Variants in ERC1 observed in about 807,000 individuals in gnomAD.
ERC1 encodes ELKS/RAB6-interacting/CAST family member 1.
In ERC1, 56 loss-of-function variants were observed where a neutral mutation model predicts 132.0. The observed-to-expected ratio is 0.42, with a 90% confidence interval of 0.34 to 0.53. The LOEUF (loss-of-function observed/expected upper bound fraction) is 0.53, where lower values mean the gene tolerates loss of function less well. Among genes scored for constraint, ERC1 ranks in the 20% least tolerant of loss-of-function variants. The probability of loss-of-function intolerance (pLI) is 0.03; values close to 1 mark genes in which losing one functional copy is unlikely to be tolerated. For synonymous variants in ERC1, 478 were observed against 476.1 expected (o/e 1.00, Z -0.05); for missense variants, 1,202 against 1,349.9 (o/e 0.89, Z 1.72).
chr12:1,398,706 T>C (rs1479009441), intron 16 of ERC1, among the ~76,000 whole-genome samples: 1 of 152,144 alleles, frequency 6.6e-6, no homozygotes. Flanking sequence ...AAATTTATTT[T>C]TTCACAGTTC....
intron 14 of ERC1, among the ~76,000 whole-genome samples, chr12:1,285,388 A>G (rs977926424): frequency 2.6e-5 from 4 of 152,230 alleles, no homozygotes; most frequent in African/African-American, 9.6e-5. Context: ...CACAAAGCCC[A>G]AAATTCATTC....
chr12:1,110,133 A>T, intron 4 of ERC1, 59 bp from the exon 5 acceptor site: 1 of 1,382,868 alleles, frequency 7.2e-7, no homozygotes, highest in Non-Finnish European at 9.9e-7. Flanking sequence ...ATATCATGTT[A>T]TTCAGCTTTT....
chr12:1,007,540 C>CTCTCTCTCTCTCTGTGTGTGTGTG lies in ERC1; in HGVS notation c.-157+16219_-157+16220insCTCTCTCTCTCTGTGTGTGTGTGT, dbSNP rs1555194875. Among the ~76,000 whole-genome samples the CTCTCTCTCTCTCTGTGTGTGTGTG allele has an allele frequency of 2.9e-4, 35 of 122,762 alleles. No individual in the cohort carries two copies. The South Asian group carries it at 2.9e-3, about 10-fold the overall frequency. 80.5% of individuals were successfully genotyped at this position (122,762 alleles called of 152,430 possible). A position where few individuals can be genotyped will look rare whatever the true frequency, so the allele number is the denominator to read the frequency against. On this transcript the variant is annotated intron_variant, in intron 1 of 18. Coordinates refer to ENST00000360905, the MANE Select transcript of ERC1 (RefSeq NM_178040.4). ...ATTCTCTCTCTCTCTCTCTCTCTCT[C>CTCTCTCTCTCTCTGTGTGTGTGTG]TGTGTGTGTGTGTGTGTGTGTGTGT...
intron 13 of ERC1, among the ~76,000 whole-genome samples, chr12:1,248,278 A>G (rs984281091): frequency 3.3e-5 from 5 of 152,220 alleles, no homozygotes; most frequent in African/African-American, 4.8e-5. Flanking sequence ...AGCAGTGAAA[A>G]GACATGTTCT....
At chr12:1,255,888 C>T (rs1035917773) in intron 13 of ERC1, among the ~76,000 whole-genome samples, 1 of 151,810 alleles carries the variant, frequency 6.6e-6, no homozygotes. Flanking sequence ...ATCCGCCCAC[C>T]TCAACCTCCC....
intron 1 of ERC1, among the ~76,000 whole-genome samples, chr12:1,021,271 G>T (rs1966319766): frequency 6.6e-6 from 1 of 152,096 alleles, no homozygotes. Flanking sequence ...ACCCTGTTGA[G>T]TGTGCCAGGA....
intron 15 of ERC1, among the ~76,000 whole-genome samples, chr12:1,344,296 T>G (rs1010809156): frequency 6.6e-5 from 10 of 152,302 alleles, no homozygotes; most frequent in African/African-American, 2.4e-4. Context: ...GGCGGTGGCT[T>G]TTCTTCGCTA....
chr12:1,338,303 C>G (rs2083481059), intron 15 of ERC1, among the ~76,000 whole-genome samples: 1 of 152,224 alleles, frequency 6.6e-6, no homozygotes, highest in Non-Finnish European at 1.5e-5. Flanking sequence ...CTCTGAGACA[C>G]TATCCTCACC....
intron 18 of ERC1, among the ~76,000 whole-genome samples, chr12:1,482,090 A>G (rs2094104145): frequency 6.6e-6 from 1 of 152,130 alleles, no homozygotes; most frequent in South Asian, 2.1e-4. Context: ...AAACTGTGTA[A>G]TGGAATGGCG....
chr12:1,325,711 A>G (rs1017590819), intron 15 of ERC1, among the ~76,000 whole-genome samples: 4 of 152,176 alleles, frequency 2.6e-5, no homozygotes, highest in Non-Finnish European at 5.9e-5. Flanking sequence ...TGAAAGACAA[A>G]TAGAATAAAC....
intron 14 of ERC1, among the ~76,000 whole-genome samples, chr12:1,263,996 A>C (rs943094786): frequency 6.6e-6 from 1 of 152,094 alleles, no homozygotes; most frequent in African/African-American, 2.4e-5. Context: ...GGCCAAAAAA[A>C]AAAAGATACA....
intron 2 of ERC1, among the ~76,000 whole-genome samples, chr12:1,077,421 T>C (rs904273954): frequency 3.9e-5 from 6 of 152,246 alleles, no homozygotes; most frequent in Non-Finnish European, 5.9e-5. Flanking sequence ...TTTGCAGATA[T>C]CTAATTGTTG....
rs950192339 is a variant in ERC1, at chr12:1,338,432, C to T, written c.2781-33401C>T. Reference sequence around the variant, plus strand: ...TGCTGGCTATTTTGTCTGTCAGCTCCTATATTGTTGTACTGTGATTCTTCG... The same window carrying T: ...TGCTGGCTATTTTGTCTGTCAGCTCTTATATTGTTGTACTGTGATTCTTCG... On this transcript the variant is annotated intron_variant, in intron 15 of 18. Coordinates refer to ENST00000360905, the MANE Select transcript of ERC1 (RefSeq NM_178040.4). 3.3e-5 allele frequency among the ~76,000 whole-genome samples: 5 copies of T among 152,258 alleles called. No homozygotes were observed. The East Asian group carries it at 9.6e-4, about 29-fold the overall frequency.
intron 16 of ERC1, among the ~76,000 whole-genome samples, chr12:1,387,733 G>A (rs2089526971): frequency 6.6e-6 from 1 of 152,216 alleles, no homozygotes; most frequent in Admixed American, 6.5e-5. Flanking sequence ...ACATGGCCCT[G>A]CCAACACCAT....
rs573470020 is a variant in ERC1, at chr12:1,301,004, C to T, written c.2780+10992C>T. Among the ~76,000 whole-genome samples, 24 of 149,490 alleles carry T rather than the reference C, an allele frequency of 1.6e-4. No homozygotes were observed. In the Admixed American group the frequency reaches 1.6e-3, roughly 10 times the overall value. On this transcript the variant is annotated intron_variant, in intron 15 of 18. Transcript: ENST00000360905. ...CATATATACATCATGAAATATTACT[C>T]AGCCGTTAAAAGTAACGAAATAATG...
chr12:1,027,022 A>G (rs1213729383), intron 1 of ERC1, among the ~76,000 whole-genome samples: 1 of 152,222 alleles, frequency 6.6e-6, no homozygotes, highest in African/African-American at 2.4e-5. Flanking sequence ...CTTCTCATCC[A>G]TGAACACAGA....
intron 16 of ERC1, among the ~76,000 whole-genome samples, chr12:1,379,901 A>G (rs1408631918): frequency 6.6e-6 from 1 of 152,174 alleles, no homozygotes; most frequent in East Asian, 1.9e-4. Context: ...GGAGACAGAG[A>G]TCCTTGCAAG....
chr12:1,101,210 C>G (rs1294722169), intron 3 of ERC1, among the ~76,000 whole-genome samples: 1 of 152,102 alleles, frequency 6.6e-6, no homozygotes, highest in Non-Finnish European at 1.5e-5. Flanking sequence ...ATTATATCTC[C>G]AAAACTTAGT....
intron 10 of ERC1, among the ~76,000 whole-genome samples, 177 bp downstream of exon 10, chr12:1,182,242 C>A (rs932098997): frequency 6.6e-6 from 1 of 152,076 alleles, no homozygotes; most frequent in Non-Finnish European, 1.5e-5. Flanking sequence ...AGAGACATAG[C>A]GGATTGGTTC....
Sources: allele counts gnomAD v4.1 joint callset (sites outside exome capture counted in the v4.1 genomes callset), GRCh38; gene constraint gnomAD v4.1.1; transcripts MANE v1.5; gene names NCBI Gene and HGNC (gene_info 2026-07-23, HGNC 2026-07-21).